Variants in CIBAR1 observed in about 807,000 individuals in gnomAD.
CIBAR1 encodes CBY1 interacting BAR domain containing 1, also known as CBY1-interacting BAR domain-containing protein 1.
A neutral mutation model predicts 44.0 loss-of-function variants in CIBAR1; 25 were observed. The observed-to-expected ratio is 0.57, with a 90% CI of 0.41 to 0.79. The LOEUF (loss-of-function observed/expected upper bound fraction) is 0.79, where lower values mean the gene tolerates loss of function less well. CIBAR1 is among the 30% of genes least tolerant of loss of function. CIBAR1 has a pLI of 0.00. For missense variants in CIBAR1, 278 were observed against 344.8 expected (o/e 0.81, Z 1.53); for synonymous variants, 115 against 119.0 (o/e 0.97, Z 0.22).
intron 8 of CIBAR1, chr8:93,727,297 AT>A: frequency 1.1e-6 from 1 of 905,388 alleles, no homozygotes; most frequent in Non-Finnish European, 1.5e-6. Flanking sequence ...GTAAGCATTT[AT>A]TTTGTTTTAT....
At chr8:93,724,393 A>G in intron 7 of CIBAR1, 1 of 369,000 alleles carries the variant, frequency 2.7e-6, no homozygotes. Flanking sequence ...TGGCACAATC[A>G]CAGCTCACTG....
rs1030083555 is a variant in CIBAR1, at chr8:93,700,560, C to A, written c.-88C>A. On this transcript the variant is annotated 5_prime_UTR_variant, in exon 1 of 9. Coordinates refer to ENST00000518322, the MANE Select transcript of CIBAR1 (RefSeq NM_145269.5). ...GAGGGGCGGGCTTTCAGGCTCCCGG[C>A]GGCTGCTTGCGCCCCAGCGCGCGCC... The A allele has an allele frequency of 1.5e-6, 2 of 1,369,184 alleles. No individual in the cohort carries two copies. The highest frequency in any genetic ancestry group is 3.7e-5 in the Admixed American group (1 of 27,194). 84.8% of individuals were successfully genotyped at this position (1,369,184 alleles called of 1,614,324 possible).
At chr8:93,706,420 G>C (rs1403848256) in intron 4 of CIBAR1, among the ~76,000 whole-genome samples, 1 of 146,592 alleles carries the variant, frequency 6.8e-6, no homozygotes, top group African/African-American at 2.5e-5. Context: ...CAGGGTGGGT[G>C]GGGGGGTTCA....
At chr8:93,726,737 T>G (rs975768368) in intron 8 of CIBAR1, 2 of 493,986 alleles carry the variant, frequency 4.0e-6, no homozygotes, top group Admixed American at 3.6e-5. Context: ...GCATAACACT[T>G]GAGAGCAGAA....
chr8:93,700,795 G>A, intron 1 of CIBAR1, 122 bp downstream of exon 1: 1 of 1,350,552 alleles, frequency 7.4e-7, no homozygotes, highest in Non-Finnish European at 9.5e-7. Context: ...AGGCTGCACG[G>A]TCCCCGCTGT....
At chr8:93,708,731 T>A (rs1015222885) in intron 5 of CIBAR1, among the ~76,000 whole-genome samples, 1 of 152,236 alleles carries the variant, frequency 6.6e-6, no homozygotes, top group African/African-American at 2.4e-5. Flanking sequence ...TTCCACCTGA[T>A]GAGGATATTA....
chr8:93,706,370 T>G (rs1017334300), intron 4 of CIBAR1, among the ~76,000 whole-genome samples: 2 of 140,820 alleles, frequency 1.4e-5, no homozygotes, highest in African/African-American at 5.3e-5. Flanking sequence ...GCTGGAAAAT[T>G]TATGACTGAT....
rs751868206 is a variant in CIBAR1, at chr8:93,728,185, AGT to A, written c.778-15_778-14del. The A allele has an allele frequency of 3.4e-5, 49 of 1,450,700 alleles. No homozygotes were observed. The highest frequency in any genetic ancestry group is 4.1e-5 in the Non-Finnish European group (45 of 1,090,002). 89.9% of individuals were successfully genotyped at this position (1,450,700 alleles called of 1,614,324 possible). A position where few individuals can be genotyped will look rare whatever the true frequency, so the allele number is the denominator to read the frequency against. ...TTAAGTTAGTATTTTTATTTTAAAA[AGT>A]GTGTTAACTTTTAACAGGTATCCAC... On this transcript the variant is annotated intron_variant, in intron 8 of 8. Coordinates refer to ENST00000518322, the MANE Select transcript of CIBAR1 (RefSeq NM_145269.5).
chr8:93,725,679 G>C (rs1811461126), intron 7 of CIBAR1, among the ~76,000 whole-genome samples: 2 of 152,016 alleles, frequency 1.3e-5, no homozygotes, highest in Non-Finnish European at 2.9e-5. Flanking sequence ...AGCTTTTGTT[G>C]GTTGGGTTTG....
intron 7 of CIBAR1, among the ~76,000 whole-genome samples, chr8:93,721,458 C>T (rs1811258553): frequency 6.6e-6 from 1 of 152,120 alleles, no homozygotes; most frequent in Non-Finnish European, 1.5e-5. Context: ...TACTCTTAAT[C>T]AGCCATCTAA....
chr8:93,718,863 T>A, intron 7 of CIBAR1, 75 bp downstream of exon 7: 1 of 954,856 alleles, frequency 1.0e-6, no homozygotes, highest in Non-Finnish European at 1.5e-6. Context: ...AGTATGTGAT[T>A]AATATCTTTT....
intron 7 of CIBAR1, among the ~76,000 whole-genome samples, chr8:93,722,372 A>C (rs1442937700): frequency 6.6e-6 from 1 of 152,222 alleles, no homozygotes; most frequent in South Asian, 2.1e-4. Context: ...ACCTCCAGTT[A>C]TATCACAAAC....
intron 8 of CIBAR1, chr8:93,727,352 C>T (rs143276629): frequency 1.2e-3 from 566 of 456,098 alleles, no homozygotes; most frequent in Admixed American, 6.8e-3. Context: ...TTTTTTATTC[C>T]GGCATTAAGT....
intron 8 of CIBAR1, chr8:93,726,847 C>T (rs1164188428): frequency 8.7e-6 from 3 of 345,980 alleles, no homozygotes; most frequent in Non-Finnish European, 1.7e-5. Context: ...ACTATCAAAA[C>T]TTAGTGGATC....
chr8:93,710,604 C>T (rs180807395), intron 6 of CIBAR1, among the ~76,000 whole-genome samples: 27 of 152,108 alleles, frequency 1.8e-4, no homozygotes, highest in Non-Finnish European at 1.2e-4. Flanking sequence ...GAAGCTAAGG[C>T]GGGCAGATCA....
In CIBAR1 at chr8:93,709,790, G is replaced by A; in HGVS notation, c.458G>A (p.Arg153Lys). 6.2e-7 allele frequency: 1 copy of A among 1,613,316 alleles called. No individual in the cohort carries two copies. Among genetic ancestry groups the A allele is most frequent in the Admixed American group, 1.7e-5 (1 of 59,974 alleles). ...TTGTAGGCAGAAACGGAATTACAGA[G>A]AGCTGCAATGGATGCTAGCCGAACA... is the stretch of plus-strand genomic sequence containing the variant. ...VISQAETELQ[R>K]AAMDASRTSR... Residue 153 changes from arginine to lysine, a missense_variant, in exon 6 of 9, where the codon AGA (arginine) becomes AAA (lysine). Arg to Lys is a conservative substitution (Grantham distance 26). This residue lies in a region of CIBAR1 where 183 missense variants were observed against 218.6 expected (regional missense o/e 0.84). Transcript: ENST00000518322.
intron 7 of CIBAR1, chr8:93,720,624 A>T (rs1192889590): frequency 4.6e-5 from 7 of 152,158 alleles, no homozygotes; most frequent in Admixed American, 3.9e-4. Context: ...CAATCCCAGC[A>T]CTTTGGGAGC....
At chr8:93,703,570 A>T in intron 2 of CIBAR1, 50 bp from the exon 3 acceptor site, 1 of 1,097,878 alleles carries the variant, frequency 9.1e-7, no homozygotes. Flanking sequence ...TTTTATTTAT[A>T]GGTTAAAATG....
chr8:93,700,606 T>C lies in CIBAR1; in HGVS notation c.-42T>C, dbSNP rs1250352684. On this transcript the variant is annotated 5_prime_UTR_variant, in exon 1 of 9. Transcript: ENST00000518322. ...GCGCCCAGGCGCCTTGGAATCCCCG[T>C]CCTTGGGCCCCCGCAAGGTCCCCGG... 6.8e-7 allele frequency: 1 copy of C among 1,476,620 alleles called. No homozygotes were observed. The highest frequency in any genetic ancestry group is 1.5e-5 in the African/African-American group (1 of 68,188). The allele number at this position is 1,476,620 out of a possible 1,614,324, so 91.5% of individuals were successfully genotyped here. A position where few individuals can be genotyped will look rare whatever the true frequency, so the allele number is the denominator to read the frequency against.
Sources: allele counts gnomAD v4.1 joint callset (sites outside exome capture counted in the v4.1 genomes callset), GRCh38; gene constraint gnomAD v4.1.1; regional missense constraint gnomAD v4.1.1; transcripts MANE v1.5; gene names NCBI Gene and HGNC (gene_info 2026-07-23, HGNC 2026-07-21).